The following RCN1 variants were observed in gnomAD, a reference collection of about 807,000 sequenced individuals.
RCN1 encodes the protein reticulocalbin 1, also known as reticulocalbin-1.
A neutral mutation model predicts 34.7 loss-of-function variants in RCN1; 14 were observed. The ratio of observed to expected loss-of-function variants is 0.40; its 90% CI spans 0.27 to 0.63. The LOEUF (loss-of-function observed/expected upper bound fraction) is 0.63. Ranked by LOEUF, RCN1 falls within the 30% of genes least tolerant of loss-of-function variation. The pLI is 0.37. For synonymous variants in RCN1, 125 were observed against 165.5 expected (o/e 0.76, Z 1.88); for missense variants, 326 against 425.1 (o/e 0.77, Z 2.05).
At position 32,091,560 on chromosome 11, in the gene RCN1, G is replaced by A. The variant is rs970882942; in HGVS notation, c.254+110G>A. On this transcript the variant is annotated intron_variant, in intron 1 of 5. Coordinates refer to ENST00000054950, the MANE Select transcript of RCN1 (RefSeq NM_002901.4). The stretch of plus-strand genomic sequence containing the variant: ...AAAGCGAAAGCGAAATCGCGCGCGC[G>A]GCCTCGAGGATGGGGCCCTGCCCAA... 7 of 1,408,540 alleles carry A rather than the reference G, an allele frequency of 5.0e-6. No individual in the cohort carries two copies. The Admixed American group carries it at 1.4e-4, about 28-fold the overall frequency. 87.3% of individuals were successfully genotyped at this position (1,408,540 alleles called of 1,614,324 possible).
intron 3 of RCN1, among the ~76,000 whole-genome samples, chr11:32,099,431 G>A (rs1852010780): frequency 6.6e-6 from 1 of 152,144 alleles, no homozygotes; most frequent in Non-Finnish European, 1.5e-5. Context: ...GAATGAATTG[G>A]ATTGTTAAAA....
intron 1 of RCN1, chr11:32,096,935 C>G (rs1012619802): frequency 4.0e-6 from 2 of 499,064 alleles, no homozygotes; most frequent in African/African-American, 3.9e-5. Context: ...GCCATCAGCA[C>G]TGGTTGGGGG....
At chr11:32,100,496 CT>C in intron 3 of RCN1, 51 bp from the exon 4 acceptor site, 1 of 1,436,068 alleles carries the variant, frequency 7.0e-7, no homozygotes, top group South Asian at 1.1e-5. Context: ...AATTCTCAGA[CT>C]TCTTAGAGCA....
At chr11:32,095,176 A>C (rs1006097601) in intron 1 of RCN1, among the ~76,000 whole-genome samples, 1 of 151,978 alleles carries the variant, frequency 6.6e-6, no homozygotes, top group African/African-American at 2.4e-5. Flanking sequence ...TGTTAAAAGA[A>C]TTCTGCTGTG....
rs1852066758 is a variant in RCN1 at position 32,103,274 on chromosome 11, C to T, written c.689-7C>T. On this transcript the variant is annotated splice_polypyrimidine_tract_variant and splice_region_variant and intron_variant, in intron 4 of 5. Transcript: ENST00000054950. ...CCTTTGTAACCAACAATAACCTTCC[C>T]TTCTAGCGGATATGTTTTCCCATGA... The T allele has an allele frequency of 3.1e-6, 5 of 1,613,592 alleles. No individual in the cohort carries two copies. The highest frequency in any genetic ancestry group is 4.2e-6 in the Non-Finnish European group (5 of 1,179,518).
At chr11:32,097,012 G>T (rs963823978) in intron 1 of RCN1, 132 bp from the exon 2 acceptor site, 2 of 663,798 alleles carry the variant, frequency 3.0e-6, no homozygotes, top group Non-Finnish European at 4.8e-6. Flanking sequence ...CATTGATTCT[G>T]TTGTAGTTGT....
At chr11:32,093,523 C>G (rs1184496893) in intron 1 of RCN1, among the ~76,000 whole-genome samples, 1 of 152,064 alleles carries the variant, frequency 6.6e-6, no homozygotes, top group East Asian at 1.9e-4. Flanking sequence ...GGGGCTGTCA[C>G]CTGATCAGAG....
At chr11:32,093,697 A>G (rs184924952) in intron 1 of RCN1, among the ~76,000 whole-genome samples, 111 of 152,150 alleles carry the variant, frequency 7.3e-4, no homozygotes, top group Non-Finnish European at 1.4e-3. Flanking sequence ...TGGAGGGGAA[A>G]CCAAGGGCAG....
rs1364631059 is a variant in RCN1 at position 32,103,496 on chromosome 11, C to G, written c.888+16C>G. The G allele has an allele frequency of 6.2e-7, 1 of 1,603,944 alleles. No individual in the cohort carries two copies. The highest frequency in any genetic ancestry group is 1.1e-5 in the South Asian group (1 of 90,844). ...CAAAAACAAGGTATTTCCCATTCTTCTGGAATCACTGATTGAAGGGAGACA... is the reference window on the plus strand; with the variant it reads ...CAAAAACAAGGTATTTCCCATTCTTGTGGAATCACTGATTGAAGGGAGACA... On this transcript the variant is annotated intron_variant, in intron 5 of 5. Coordinates refer to ENST00000054950, the MANE Select transcript of RCN1 (RefSeq NM_002901.4).
chr11:32,101,991 C>T (rs1209566509), intron 4 of RCN1: 1 of 152,134 alleles, frequency 6.6e-6, no homozygotes, highest in Admixed American at 6.6e-5. Context: ...AAGAAGCATC[C>T]CATTCTTTAC....
intron 5 of RCN1, among the ~76,000 whole-genome samples, chr11:32,103,754 A>T (rs1007973476): frequency 2.0e-5 from 3 of 152,164 alleles, no homozygotes; most frequent in Non-Finnish European, 4.4e-5. Context: ...TGGGCAGGAC[A>T]CGATTTAAGA....
chr11:32,103,224 T>G, intron 4 of RCN1, 57 bp from the exon 5 acceptor site: 1 of 1,481,606 alleles, frequency 6.7e-7, no homozygotes, highest in Non-Finnish European at 9.4e-7. Context: ...TTTATGGGGG[T>G]GGGGGAGGTT....
Position 32,097,415 on chromosome 11 carries a change from A to G in RCN1, c.448+78A>G, listed in dbSNP as rs963713212. 1.1e-5 allele frequency: 12 copies of G among 1,044,006 alleles called. No individual in the cohort carries two copies. The Admixed American group carries it at 2.5e-4, about 22-fold the overall frequency. The allele number at this position is 1,044,006 out of a possible 1,614,324, so 64.7% of individuals were successfully genotyped here. ...TTTGTAGACTCTCTCTTCTCTTATC[A>G]TATCCACTCCCTTCAGGGAGATGTC... On this transcript the variant is annotated intron_variant, in intron 2 of 5. Coordinates refer to ENST00000054950, the MANE Select transcript of RCN1 (RefSeq NM_002901.4).
At position 32,091,602 on chromosome 11, in the gene RCN1, A is replaced by C. The variant is rs1851922757; in HGVS notation, c.254+152A>C. On this transcript the variant is annotated intron_variant, in intron 1 of 5. Coordinates refer to ENST00000054950, the MANE Select transcript of RCN1 (RefSeq NM_002901.4). The stretch of plus-strand genomic sequence containing the variant: ...CCTGCCCAACTCGGCGCTGGGGCTC[A>C]GGCTAACTTGCTGGAGGGCCCCGGG... 4 of 993,342 alleles carry C rather than the reference A, an allele frequency of 4.0e-6. No individual in the cohort carries two copies. In the East Asian group the frequency reaches 1.3e-4, roughly 32 times the overall value. The allele number at this position is 993,342 out of a possible 1,614,324, so 61.5% of individuals were successfully genotyped here.
At chr11:32,091,494 C>T in intron 1 of RCN1, 44 bp downstream of exon 1, 2 of 1,524,620 alleles carry the variant, frequency 1.3e-6, no homozygotes, top group South Asian at 1.2e-5. Context: ...CGCAGGTGTC[C>T]GAGGGCCGCC....
chr11:32,103,085 C>T (rs779039942), intron 4 of RCN1, 196 bp from the exon 5 acceptor site: 45 of 669,666 alleles, frequency 6.7e-5, no homozygotes, highest in Non-Finnish European at 1.0e-4. Flanking sequence ...GTTCTTTCTA[C>T]TCCACCACAT....
chr11:32,096,127 T>C (rs1851970858), intron 1 of RCN1, among the ~76,000 whole-genome samples: 1 of 152,246 alleles, frequency 6.6e-6, no homozygotes, highest in African/African-American at 2.4e-5. Flanking sequence ...CAAGAAAGTT[T>C]TACCACTGAA....
rs191178053 is a variant in RCN1 at position 32,095,180 on chromosome 11, T to C, written c.255-1964T>C. ...ACACTGCACAATGTTAAAAGAATTC[T>C]GCTGTGTCTGGCTATGATTTCCTGG... On this transcript the variant is annotated intron_variant, in intron 1 of 5. Coordinates refer to ENST00000054950, the MANE Select transcript of RCN1 (RefSeq NM_002901.4). Among the ~76,000 whole-genome samples, 27 of 152,122 alleles carry C rather than the reference T, an allele frequency of 1.8e-4. 1 individual carries two copies. In the East Asian group the frequency reaches 5.2e-3, roughly 29 times the overall value.
chr11:32,096,847 C>G (rs1045773495), intron 1 of RCN1: 2 of 303,354 alleles, frequency 6.6e-6, no homozygotes, highest in Non-Finnish European at 1.2e-5. Flanking sequence ...ATGGCCATCA[C>G]CAGAGCACAG....
Sources: gnomAD v4.1 joint callset for allele counts (sites outside exome capture counted in the v4.1 genomes callset) on GRCh38, gnomAD v4.1.1 for gene constraint, MANE v1.5 for transcripts, NCBI Gene and HGNC (gene_info 2026-07-23, HGNC 2026-07-21) for gene names.